Variants in ZNF407 observed in about 807,000 individuals in gnomAD.
ZNF407 encodes the protein zinc finger protein 407.
ZNF407 carries 17 observed loss-of-function variants against 131.2 expected under a neutral mutation model. The observed-to-expected ratio is 0.13, with a 90% CI of 0.09 to 0.19. The LOEUF is 0.19. ZNF407 is among the 10% of genes least tolerant of loss of function. ZNF407 has a pLI of 1.00. For missense variants in ZNF407, 2,681 were observed against 2,830.6 expected (o/e 0.95, Z 1.20); for synonymous variants, 1,156 against 1,062.0 (o/e 1.09, Z -1.72).
chr18:74,670,990 G>A (rs1002500375), intron 3 of ZNF407, among the ~76,000 whole-genome samples: 47 of 152,120 alleles, frequency 3.1e-4, no homozygotes, highest in Admixed American at 2.4e-3. Context: ...TTGAGTGTGC[G>A]GTTGCACTAA....
intron 3 of ZNF407, among the ~76,000 whole-genome samples, chr18:74,772,228 AG>A (rs1173001459): frequency 6.6e-6 from 1 of 152,198 alleles, no homozygotes; most frequent in African/African-American, 2.4e-5. Flanking sequence ...GTAGCCATTG[AG>A]GAGACATATA....
chr18:74,721,402 C>G (rs951793380), intron 3 of ZNF407, among the ~76,000 whole-genome samples: 2 of 152,040 alleles, frequency 1.3e-5, no homozygotes, highest in South Asian at 4.2e-4. Flanking sequence ...GGCAACTAGG[C>G]AAGAGAGAAA....
intron 8 of ZNF407, 55 bp downstream of exon 8, chr18:74,920,747 G>T (rs751066013): frequency 3.8e-5 from 59 of 1,537,480 alleles, no homozygotes; most frequent in Non-Finnish European, 5.0e-5. Flanking sequence ...TGTGATCACA[G>T]CAGTTATAAT....
chr18:75,041,363 TC>T (rs1181957763), intron 8 of ZNF407, among the ~76,000 whole-genome samples: 1 of 152,022 alleles, frequency 6.6e-6, no homozygotes, highest in African/African-American at 2.4e-5. Context: ...CTGTAGGGTT[TC>T]CCCCCTTTCT....
intron 3 of ZNF407, among the ~76,000 whole-genome samples, chr18:74,774,118 C>T (rs566641466): frequency 6.6e-5 from 10 of 152,038 alleles, no homozygotes; most frequent in South Asian, 2.1e-4. Context: ...GACATAATTA[C>T]GGTAATAGAT....
chr18:74,648,698 A>G (rs1985086370), intron 3 of ZNF407, among the ~76,000 whole-genome samples: 2 of 152,246 alleles, frequency 1.3e-5, no homozygotes, highest in South Asian at 2.1e-4. Flanking sequence ...TTAATGCAGC[A>G]TAGTTCCAAA....
intron 6 of ZNF407, among the ~76,000 whole-genome samples, chr18:74,888,017 G>C (rs1471749768): frequency 6.6e-6 from 1 of 152,090 alleles, no homozygotes; most frequent in African/African-American, 2.4e-5. Context: ...CTAATTTTCA[G>C]GACAGATACG....
chr18:74,955,808 G>A (rs573735170), intron 8 of ZNF407, among the ~76,000 whole-genome samples: 1 of 152,278 alleles, frequency 6.6e-6, no homozygotes, highest in South Asian at 2.1e-4. Context: ...TCAGGGAAAG[G>A]ACTTCATCAG....
In ZNF407 at chr18:74,662,334, A is replaced by G. The variant is rs368545987; in HGVS notation, c.4802+21212A>G. Reference sequence around the variant, plus strand: ...ATATAAAATAAGTAGACAAAATATTATAAGTGATTTTGCATTTTAATCCCT... The same window carrying G: ...ATATAAAATAAGTAGACAAAATATTGTAAGTGATTTTGCATTTTAATCCCT... On this transcript the variant is annotated intron_variant, in intron 3 of 8. Coordinates refer to ENST00000299687, the MANE Select transcript of ZNF407 (RefSeq NM_017757.3). Among the ~76,000 whole-genome samples the G allele has an allele frequency of 1.6e-4, 25 of 152,232 alleles. 1 individual carries two copies. Among genetic ancestry groups the G allele is most frequent in the East Asian group, 5.8e-4 (3 of 5,200 alleles).
chr18:75,010,235 A>G (rs1972958172), intron 8 of ZNF407, among the ~76,000 whole-genome samples: 1 of 152,138 alleles, frequency 6.6e-6, no homozygotes, highest in Non-Finnish European at 1.5e-5. Context: ...ATGAGATTTC[A>G]TCTCATGAGA....
intron 3 of ZNF407, among the ~76,000 whole-genome samples, chr18:74,686,190 C>G (rs1190968996): frequency 6.6e-6 from 1 of 152,188 alleles, no homozygotes; most frequent in Non-Finnish European, 1.5e-5. Context: ...TCCCCTTTCC[C>G]TTTAACATCC....
chr18:74,959,521 C>G (rs1214241537), intron 8 of ZNF407, among the ~76,000 whole-genome samples: 1 of 152,118 alleles, frequency 6.6e-6, no homozygotes, highest in Non-Finnish European at 1.5e-5. Flanking sequence ...TTTGTAGCAT[C>G]CTTTTGTTCT....
At chr18:75,055,471 G>A (rs981671955) in intron 8 of ZNF407, among the ~76,000 whole-genome samples, 5 of 152,190 alleles carry the variant, frequency 3.3e-5, no homozygotes, top group African/African-American at 1.2e-4. Flanking sequence ...TCCTGAGTGA[G>A]ATTTGTGTGC....
chr18:74,608,813 CCTT>C (rs1483251772), intron 1 of ZNF407, among the ~76,000 whole-genome samples: 3 of 152,120 alleles, frequency 2.0e-5, no homozygotes, highest in Admixed American at 6.5e-5. Flanking sequence ...GAAATCATGT[CCTT>C]CTCAGTGCAT....
intron 5 of ZNF407, among the ~76,000 whole-genome samples, chr18:74,877,771 G>A (rs2145180973): frequency 6.6e-6 from 1 of 152,278 alleles, no homozygotes; most frequent in Non-Finnish European, 1.5e-5. Flanking sequence ...TAGTATGTTT[G>A]AACATTAATG....
chr18:74,923,318 TA>T (rs911298465), intron 8 of ZNF407, among the ~76,000 whole-genome samples: 1 of 151,646 alleles, frequency 6.6e-6, no homozygotes, highest in African/African-American at 2.4e-5. Flanking sequence ...TTTTTTTTTT[TA>T]AACTATTGAA....
At chr18:75,053,917 T>G (rs1361365196) in intron 8 of ZNF407, among the ~76,000 whole-genome samples, 1 of 152,218 alleles carries the variant, frequency 6.6e-6, no homozygotes, top group Non-Finnish European at 1.5e-5. Flanking sequence ...GAGGCTTTGC[T>G]TCCCCCGCAC....
chr18:74,997,500 A>G (rs567236548), intron 8 of ZNF407, among the ~76,000 whole-genome samples: 1 of 152,336 alleles, frequency 6.6e-6, no homozygotes, highest in South Asian at 2.1e-4. Context: ...CTTAAGTAAA[A>G]AAAATAAATA....
chr18:74,835,845 G>A (rs1429078728), intron 4 of ZNF407, among the ~76,000 whole-genome samples: 1 of 152,132 alleles, frequency 6.6e-6, no homozygotes, highest in Non-Finnish European at 1.5e-5. Context: ...TCAGGAAGCT[G>A]ACATTCTAGG....
Sources: gnomAD v4.1 joint callset for allele counts (sites outside exome capture counted in the v4.1 genomes callset) on GRCh38, gnomAD v4.1.1 for gene constraint, MANE v1.5 for transcripts, NCBI Gene and HGNC (gene_info 2026-07-23, HGNC 2026-07-21) for gene names.